IGF1R: variants seen among roughly 807,000 people sequenced by gnomAD.
IGF1R encodes insulin like growth factor 1 receptor.
A neutral mutation model predicts 144.6 loss-of-function variants in IGF1R; 44 were observed. The observed-to-expected ratio is 0.30, with a 90% confidence interval of 0.24 to 0.39. IGF1R has a LOEUF of 0.39. Among genes scored for constraint, IGF1R ranks in the 10% least tolerant of loss-of-function variants. The probability of loss-of-function intolerance (pLI) is 1.00; values close to 1 mark genes in which losing one functional copy is unlikely to be tolerated. For missense variants in IGF1R, 1,355 were observed against 1,833.7 expected, an observed-to-expected ratio of 0.74 and a Z score of 4.77; for synonymous variants, 795 against 722.8, an observed-to-expected ratio of 1.10 and a Z score of -1.60.
intron 2 of IGF1R, among the ~76,000 whole-genome samples, chr15:98,813,903 G>A (rs74034218): frequency 0.011 from 1,729 of 152,258 alleles, 43 homozygotes; most frequent in African/African-American, 0.04. Context: ...CATTGTAATT[G>A]TATTAATAAT....
chr15:98,677,076 T>C (rs2053066264), intron 1 of IGF1R, among the ~76,000 whole-genome samples: 1 of 152,040 alleles, frequency 6.6e-6, no homozygotes. Context: ...CTGGGACTAC[T>C]GGTATGCGCC....
chr15:98,916,884 G>A lies in IGF1R; in HGVS notation c.2201+8G>A. 6.2e-7 allele frequency: 1 copy of A among 1,613,690 alleles called. No homozygotes were observed. The highest frequency in any genetic ancestry group is 8.5e-7 in the Non-Finnish European group (1 of 1,179,650). ...CTCCATCTTCGTGCCCAGGTACCCA[G>A]CTCATGTGAAATTTCAGTTGGCAAA... On this transcript the variant is annotated splice_region_variant and intron_variant, in intron 10 of 20. Coordinates refer to ENST00000650285, the MANE Select transcript of IGF1R (RefSeq NM_000875.5).
intron 2 of IGF1R, among the ~76,000 whole-genome samples, chr15:98,827,638 A>G (rs879736995): frequency 2.0e-5 from 3 of 152,200 alleles, no homozygotes; most frequent in Non-Finnish European, 2.9e-5. Flanking sequence ...TCGGAAGTGC[A>G]GTGGCGCAAT....
intron 2 of IGF1R, among the ~76,000 whole-genome samples, chr15:98,725,574 G>A: frequency 6.6e-6 from 1 of 152,128 alleles, no homozygotes; most frequent in Non-Finnish European, 1.5e-5. Flanking sequence ...TCCTAGATGT[G>A]GACCCTGGAG....
At chr15:98,786,340 T>C (rs1462557786) in intron 2 of IGF1R, among the ~76,000 whole-genome samples, 2 of 152,034 alleles carry the variant, frequency 1.3e-5, no homozygotes, top group Non-Finnish European at 2.9e-5. Context: ...TTGCAAATTG[T>C]CTTTACTCAG....
intron 2 of IGF1R, among the ~76,000 whole-genome samples, chr15:98,712,021 C>A (rs964864444): frequency 1.3e-5 from 2 of 152,188 alleles, no homozygotes; most frequent in African/African-American, 4.8e-5. Flanking sequence ...GCTCCACCCT[C>A]ATGGCCTAAT....
chr15:98,811,620 A>T (rs2056591396), intron 2 of IGF1R, among the ~76,000 whole-genome samples: 1 of 151,912 alleles, frequency 6.6e-6, no homozygotes. Flanking sequence ...GTATTCTGTG[A>T]ACCATAAGAA....
At chr15:98,723,624 A>G (rs955510284) in intron 2 of IGF1R, among the ~76,000 whole-genome samples, 12 of 152,314 alleles carry the variant, frequency 7.9e-5, no homozygotes, top group African/African-American at 2.6e-4. Context: ...ATTACAGACT[A>G]TAAAGATAAA....
intron 1 of IGF1R, among the ~76,000 whole-genome samples, chr15:98,672,036 G>A (rs1022401337): frequency 1.3e-4 from 20 of 152,178 alleles, no homozygotes; most frequent in Non-Finnish European, 4.4e-5. Flanking sequence ...TATAATCCAA[G>A]CAATAGTGAG....
chr15:98,856,473 T>TG (rs1304201783), intron 2 of IGF1R, among the ~76,000 whole-genome samples: 2 of 152,240 alleles, frequency 1.3e-5, no homozygotes. Context: ...CACTTAGCGT[T>TG]GGGCCTGGTG....
intron 2 of IGF1R, among the ~76,000 whole-genome samples, chr15:98,714,815 T>A (rs942376307): frequency 6.6e-6 from 1 of 150,468 alleles, no homozygotes; most frequent in Non-Finnish European, 1.5e-5. Flanking sequence ...CATCTTAACA[T>A]TTTTTTTTTA....
chr15:98,786,655 T>TA (rs2141406085), intron 2 of IGF1R, among the ~76,000 whole-genome samples: 1 of 152,314 alleles, frequency 6.6e-6, no homozygotes, highest in Non-Finnish European at 1.5e-5. Flanking sequence ...CTTTTTTTGT[T>TA]GTTGTTGTTG....
At position 98,823,538 on chromosome 15, in the gene IGF1R, A is replaced by G. The variant is rs553245085; in HGVS notation, c.641-67787A>G. ...AAGCATGAAGACTAATTCAAAGTCT[A>G]TTTTCTGGTTTTGCTCTACCAGTAC... On this transcript the variant is annotated intron_variant, in intron 2 of 20. Coordinates refer to ENST00000650285, the MANE Select transcript of IGF1R (RefSeq NM_000875.5). 8.5e-5 allele frequency among the ~76,000 whole-genome samples: 13 copies of G among 152,274 alleles called. No individual in the cohort carries two copies. In the South Asian group the frequency reaches 2.1e-3, roughly 24 times the overall value.
rs34129005 is a variant in IGF1R, at chr15:98,916,796, C to T, written c.2121C>T (p.Ala707=). The T allele has an allele frequency of 1.1e-4, 182 of 1,613,972 alleles. No individual in the cohort carries two copies. In the African/African-American group the frequency reaches 1.5e-3, roughly 13 times the overall value. ...GCTGCGCCTGCCCCAAAACTGAAGCCGAGAAGCAGGCCGAGAAGGAGGAGG... is the reference window on the plus strand; with the variant it reads ...GCTGCGCCTGCCCCAAAACTGAAGCTGAGAAGCAGGCCGAGAAGGAGGAGG... ...GPCCACPKTE[A]EKQAEKEEAE... is the part of the protein sequence containing the mutation. The change falls in exon 10 of 21, where the codon GCC becomes GCT. Residue 707 remains alanine, a synonymous_variant. Coordinates refer to ENST00000650285, the MANE Select transcript of IGF1R (RefSeq NM_000875.5).
chr15:98,922,750 G>A (rs756225951), intron 11 of IGF1R, among the ~76,000 whole-genome samples: 2 of 152,210 alleles, frequency 1.3e-5, no homozygotes, highest in African/African-American at 2.4e-5. Flanking sequence ...CCCCTCTTGC[G>A]CACAAATCGG....
chr15:98,736,962 A>G (rs1448500496), intron 2 of IGF1R, among the ~76,000 whole-genome samples: 2 of 152,156 alleles, frequency 1.3e-5, no homozygotes, highest in Non-Finnish European at 2.9e-5. Context: ...CCAACATGGT[A>G]ACAGTCTTTT....
chr15:98,658,651 CAG>C (rs2052536528), intron 1 of IGF1R, among the ~76,000 whole-genome samples: 1 of 152,162 alleles, frequency 6.6e-6, no homozygotes, highest in Non-Finnish European at 1.5e-5. Context: ...TTGAATAGGT[CAG>C]AGATGCCATC....
intron 3 of IGF1R, among the ~76,000 whole-genome samples, chr15:98,895,789 C>T (rs967225941): frequency 2.0e-5 from 3 of 152,286 alleles, no homozygotes; most frequent in East Asian, 1.9e-4. Context: ...TTTTACTTCA[C>T]GAAATTTGAG....
chr15:98,930,377 A>G (rs33982004), intron 15 of IGF1R, 72 bp downstream of exon 15: 200,452 of 1,037,982 alleles, frequency 0.19, 21,893 homozygotes, highest in Admixed American at 0.38. Context: ...AGGGTTGCTA[A>G]TTTGGGAAAG....
Sources: gnomAD v4.1 joint callset for allele counts (sites outside exome capture counted in the v4.1 genomes callset) on GRCh38, gnomAD v4.1.1 for gene constraint, MANE v1.5 for transcripts, NCBI Gene and HGNC (gene_info 2026-07-23, HGNC 2026-07-21) for gene names.